NBAS: variants seen among roughly 807,000 people sequenced by gnomAD.
NBAS encodes NAG/BC035112 fusion.
NBAS carries 219 observed loss-of-function variants against 302.5 expected under a neutral mutation model. The observed-to-expected ratio is 0.72, with a 90% confidence interval of 0.65 to 0.81. NBAS has a LOEUF of 0.81. Among genes scored for constraint, NBAS ranks in the 30% least tolerant of loss-of-function variants. NBAS has a pLI of 0.00. For missense variants in NBAS, 2,932 were observed against 2,841.6 expected, an observed-to-expected ratio of 1.03 and a Z score of -0.72; for synonymous variants, 1,118 against 1,021.6, an observed-to-expected ratio of 1.09 and a Z score of -1.80.
chr2:15,123,976 G>A, the NBAS span, among the ~76,000 whole-genome samples: 1 of 152,192 alleles, frequency 6.6e-6, no homozygotes, highest in East Asian at 1.9e-4. Flanking sequence ...GAGAAGACAG[G>A]AAGACAAGGG....
At chr2:14,783,757 T>C in the NBAS span, among the ~76,000 whole-genome samples, 1 of 152,128 alleles carries the variant, frequency 6.6e-6, no homozygotes, top group East Asian at 1.9e-4. Flanking sequence ...TCTTTGCTAT[T>C]GTGAATAGTG....
At chr2:14,815,858 A>G in the NBAS span, among the ~76,000 whole-genome samples, 2 of 152,174 alleles carry the variant, frequency 1.3e-5, no homozygotes, top group Non-Finnish European at 2.9e-5. Flanking sequence ...ATCTACCCAG[A>G]CAACTAAACT....
chr2:15,072,735 C>T, the NBAS span, among the ~76,000 whole-genome samples: 33 of 152,178 alleles, frequency 2.2e-4, no homozygotes, highest in Admixed American at 1.4e-3. Flanking sequence ...TCCTCATCTG[C>T]GAATAAGTAT....
At chr2:14,889,399 G>A in the NBAS span, among the ~76,000 whole-genome samples, 5 of 152,244 alleles carry the variant, frequency 3.3e-5, no homozygotes, top group African/African-American at 1.2e-4. Flanking sequence ...TAAACCAACT[G>A]ACTCCACACT....
chr2:14,810,088 T>C, the NBAS span, among the ~76,000 whole-genome samples: 1 of 152,260 alleles, frequency 6.6e-6, no homozygotes, highest in Non-Finnish European at 1.5e-5. Context: ...CTTTTGATTT[T>C]ATAGGCTCAT....
chr2:14,837,339 T>G, the NBAS span, among the ~76,000 whole-genome samples: 1 of 151,930 alleles, frequency 6.6e-6, no homozygotes, highest in African/African-American at 2.4e-5. Flanking sequence ...ATGTCCAAAT[T>G]GCATATTTTA....
At chr2:15,281,081 C>T (rs571733620) in intron 42 of NBAS, among the ~76,000 whole-genome samples, 1 of 152,236 alleles carries the variant, frequency 6.6e-6, no homozygotes, top group East Asian at 1.9e-4. Flanking sequence ...ATGAGAGAAT[C>T]AATAAAGAGT....
the NBAS span, among the ~76,000 whole-genome samples, chr2:15,011,201 T>C: frequency 6.6e-6 from 1 of 152,096 alleles, no homozygotes; most frequent in Non-Finnish European, 1.5e-5. Flanking sequence ...GTAGATAGGA[T>C]GGGAAAGAGA....
At chr2:14,883,608 C>G in the NBAS span, among the ~76,000 whole-genome samples, 2 of 152,172 alleles carry the variant, frequency 1.3e-5, no homozygotes, top group South Asian at 4.1e-4. Context: ...CTAACACCAG[C>G]TCCGTCACTA....
chr2:14,988,275 G>A, the NBAS span, among the ~76,000 whole-genome samples: 1 of 152,118 alleles, frequency 6.6e-6, no homozygotes, highest in Non-Finnish European at 1.5e-5. Flanking sequence ...TAAGAAAAGA[G>A]TACCCTTAAT....
intron 35 of NBAS, among the ~76,000 whole-genome samples, chr2:15,350,967 T>TGTA (rs1281002584): frequency 6.6e-6 from 1 of 152,210 alleles, no homozygotes; most frequent in Non-Finnish European, 1.5e-5. Flanking sequence ...TATCTCACAA[T>TGTA]GCACATTTCC....
intron 41 of NBAS, among the ~76,000 whole-genome samples, chr2:15,288,986 C>T (rs373621524): frequency 6.6e-5 from 10 of 152,274 alleles, no homozygotes; most frequent in African/African-American, 2.4e-4. Flanking sequence ...TAAAACCATT[C>T]TTTGTTCATG....
At chr2:15,557,066 C>A (rs1664679147) in intron 2 of NBAS, among the ~76,000 whole-genome samples, 1 of 151,912 alleles carries the variant, frequency 6.6e-6, no homozygotes. Flanking sequence ...CCTAACTGTT[C>A]AAGAAATAAA....
At chr2:15,216,868 A>T (rs1207918332) in intron 48 of NBAS, among the ~76,000 whole-genome samples, 2 of 152,242 alleles carry the variant, frequency 1.3e-5, no homozygotes, top group African/African-American at 4.8e-5. Context: ...CAGCCTCATC[A>T]TCCTGGCGAG....
At chr2:14,830,767 C>A in the NBAS span, among the ~76,000 whole-genome samples, 1 of 152,268 alleles carries the variant, frequency 6.6e-6, no homozygotes, top group Non-Finnish European at 1.5e-5. Flanking sequence ...AGGGTTTGTG[C>A]CTGCTTGTTG....
chr2:15,073,975 T>C, the NBAS span, among the ~76,000 whole-genome samples: 2,083 of 152,328 alleles, frequency 0.014, 56 homozygotes, highest in African/African-American at 0.047. Flanking sequence ...TCAATGATTT[T>C]ATAGTTCATT....
chr2:15,055,174 C>A, the NBAS span, among the ~76,000 whole-genome samples: 26 of 152,200 alleles, frequency 1.7e-4, no homozygotes, highest in Non-Finnish European at 2.9e-5. Context: ...AAATCACGAA[C>A]AAGCATCAAT....
chr2:15,130,246 G>T, the NBAS span, among the ~76,000 whole-genome samples: 1 of 152,274 alleles, frequency 6.6e-6, no homozygotes, highest in East Asian at 1.9e-4. Context: ...TTCATGGCTG[G>T]ATAATATTCC....
chr2:15,240,464 A>G (rs1667814832), intron 44 of NBAS, among the ~76,000 whole-genome samples: 2 of 149,250 alleles, frequency 1.3e-5, no homozygotes, highest in East Asian at 2.1e-4. Flanking sequence ...AAAAAAAAAA[A>G]AAATTAGCCG....
Sources: gnomAD v4.1 joint callset for allele counts (sites outside exome capture counted in the v4.1 genomes callset) on GRCh38, gnomAD v4.1.1 for gene constraint, MANE v1.5 for transcripts, NCBI Gene and HGNC (gene_info 2026-07-23, HGNC 2026-07-21) for gene names.